Variants in SLC24A4 observed in about 807,000 individuals in gnomAD.
SLC24A4 encodes the protein solute carrier family 24 member 4.
A neutral mutation model predicts 79.0 loss-of-function variants in SLC24A4; 53 were observed. The ratio of observed to expected loss-of-function variants is 0.67; its 90% CI spans 0.54 to 0.84. SLC24A4 has a LOEUF of 0.84. SLC24A4 is among the 40% of genes least tolerant of loss of function. The pLI, the probability that SLC24A4 is intolerant of heterozygous loss-of-function variation, is 0.00. For synonymous variants in SLC24A4, 323 were observed against 323.8 expected (o/e 1.00, Z 0.03); for missense variants, 731 against 822.0 (o/e 0.89, Z 1.35).
chr14:92,340,763 T>C (rs1886096140), intron 2 of SLC24A4, among the ~76,000 whole-genome samples: 1 of 152,130 alleles, frequency 6.6e-6, no homozygotes, highest in African/African-American at 2.4e-5. Context: ...CCCCTAATTC[T>C]GCGCTCCCTC....
chr14:92,483,077 G>A (rs1256171117), intron 13 of SLC24A4, among the ~76,000 whole-genome samples: 1 of 152,132 alleles, frequency 6.6e-6, no homozygotes, highest in Non-Finnish European at 1.5e-5. Flanking sequence ...TGAGGGAAGG[G>A]GACCAACCTT....
chr14:92,432,572 G>C (rs923989466), intron 2 of SLC24A4, among the ~76,000 whole-genome samples: 1 of 152,176 alleles, frequency 6.6e-6, no homozygotes, highest in Non-Finnish European at 1.5e-5. Context: ...CCATCTCTGA[G>C]CTGACAAACC....
rs1192823019 is a variant in SLC24A4, at chr14:92,490,845, G to C, written c.1538-820G>C. ...CCACAAACGGGGTGCCGTAAACAAC[G>C]GAAGTGTATTGTCTTGTGGTTCCGG... On this transcript the variant is annotated intron_variant, in intron 14 of 16. Transcript: ENST00000532405. This position sits in a 1 kb window ranked among gnomAD's most constrained non-coding sequence, Gnocchi z 4.3. Among the ~76,000 whole-genome samples, 2 of 152,224 alleles carry C rather than the reference G, an allele frequency of 1.3e-5. No homozygotes were observed. Among genetic ancestry groups the C allele is most frequent in the African/African-American group, 2.4e-5 (1 of 41,458 alleles).
intron 12 of SLC24A4, among the ~76,000 whole-genome samples, chr14:92,461,403 G>A (rs926943596): frequency 2.6e-5 from 4 of 152,210 alleles, no homozygotes; most frequent in Admixed American, 1.3e-4. Flanking sequence ...TGTCACCGAC[G>A]AAGCAGCTTA....
At chr14:92,422,427 T>C (rs535365028) in intron 2 of SLC24A4, among the ~76,000 whole-genome samples, 1 of 152,350 alleles carries the variant, frequency 6.6e-6, no homozygotes, top group East Asian at 1.9e-4. Context: ...GACAGTCAAG[T>C]GCTGTTGAGA....
chr14:92,455,960 C>T (rs1893432673), intron 11 of SLC24A4, among the ~76,000 whole-genome samples: 1 of 152,174 alleles, frequency 6.6e-6, no homozygotes, highest in African/African-American at 2.4e-5. Context: ...CTCGGCCTCC[C>T]AAAGTGCTGG....
intron 2 of SLC24A4, among the ~76,000 whole-genome samples, chr14:92,343,373 A>G (rs1429110095): frequency 2.6e-5 from 4 of 152,182 alleles, no homozygotes; most frequent in Non-Finnish European, 5.9e-5. Flanking sequence ...CAAAGGAAGA[A>G]GCAGTTTGCA....
chr14:92,486,815 G>A, intron 14 of SLC24A4, 35 bp downstream of exon 14: 2 of 1,497,554 alleles, frequency 1.3e-6, no homozygotes, highest in South Asian at 2.3e-5. Context: ...TAGTCATGCA[G>A]TGCAGGCCAC....
chr14:92,440,286 G>A (rs746585209), intron 4 of SLC24A4, among the ~76,000 whole-genome samples: 2 of 152,178 alleles, frequency 1.3e-5, no homozygotes, highest in Non-Finnish European at 2.9e-5. Context: ...CCATGTGCTC[G>A]CCTCCATCCA....
chr14:92,338,788 C>G (rs1566695513), intron 2 of SLC24A4, among the ~76,000 whole-genome samples: 1 of 152,214 alleles, frequency 6.6e-6, no homozygotes, highest in Non-Finnish European at 1.5e-5. Context: ...GAAAGCCATC[C>G]TTGGGTTTAG....
chr14:92,492,371 T>C, intron 16 of SLC24A4, 131 bp downstream of exon 16: 1 of 783,260 alleles, frequency 1.3e-6, no homozygotes, highest in Non-Finnish European at 2.1e-6. Context: ...CAAGAAAATG[T>C]AGACGTTCAT....
intron 2 of SLC24A4, among the ~76,000 whole-genome samples, chr14:92,356,857 G>T (rs1887209950): frequency 6.6e-6 from 1 of 152,190 alleles, no homozygotes; most frequent in South Asian, 2.1e-4. Flanking sequence ...TGTCCCTGAG[G>T]ATCTAACACT....
chr14:92,367,935 T>C (rs1887945971), intron 2 of SLC24A4, among the ~76,000 whole-genome samples: 1 of 152,212 alleles, frequency 6.6e-6, no homozygotes, highest in African/African-American at 2.4e-5. Flanking sequence ...ACTTGGAGAA[T>C]TGTCAAAGCA....
In SLC24A4 at chr14:92,323,753, C is replaced by G; in HGVS notation, c.-78C>G. On this transcript the variant is annotated 5_prime_UTR_variant, in exon 1 of 17. Transcript: ENST00000532405. The surrounding 1 kb of genome is among the most constrained non-coding windows in gnomAD (Gnocchi z 4.9). ...CGCGCACCGCCTGCTCCAGCCCCAG[C>G]GCCGCTCGGCCACTGATTGCACTCT... 1 of 1,481,666 alleles carries G rather than the reference C, an allele frequency of 6.7e-7. No individual in the cohort carries two copies. Among genetic ancestry groups the G allele is most frequent in the Non-Finnish European group, 9.0e-7 (1 of 1,116,514 alleles). The allele number at this position is 1,481,666 out of a possible 1,614,324, so 91.8% of individuals were successfully genotyped here. A position where few individuals can be genotyped will look rare whatever the true frequency, so the allele number is the denominator to read the frequency against.
At chr14:92,407,388 C>T (rs1890447233) in intron 2 of SLC24A4, among the ~76,000 whole-genome samples, 2 of 152,298 alleles carry the variant, frequency 1.3e-5, no homozygotes, top group South Asian at 4.1e-4. Flanking sequence ...TACCCAATTC[C>T]AAACTTGCTT....
intron 2 of SLC24A4, among the ~76,000 whole-genome samples, chr14:92,400,555 C>T (rs1179149133): frequency 6.6e-6 from 1 of 152,048 alleles, no homozygotes; most frequent in Non-Finnish European, 1.5e-5. Flanking sequence ...GACACAGTCG[C>T]CTTCTTTGGG....
intron 12 of SLC24A4, among the ~76,000 whole-genome samples, chr14:92,480,588 C>T (rs548142951): frequency 5.9e-5 from 9 of 152,006 alleles, no homozygotes; most frequent in East Asian, 1.9e-4. Flanking sequence ...CCACCACGCC[C>T]GGCCTTTCCC....
chr14:92,491,146 G>T (rs1264960686), intron 14 of SLC24A4, among the ~76,000 whole-genome samples: 1 of 152,122 alleles, frequency 6.6e-6, no homozygotes, highest in Admixed American at 6.5e-5. Flanking sequence ...CAGGATCATC[G>T]AGTTGAAAAG....
chr14:92,342,813 G>A (rs1366623333), intron 2 of SLC24A4, among the ~76,000 whole-genome samples: 1 of 152,234 alleles, frequency 6.6e-6, no homozygotes, highest in Non-Finnish European at 1.5e-5. Context: ...GATAAAGGCT[G>A]CTCCTCCCAC....
Sources: gnomAD v4.1 joint callset for allele counts (sites outside exome capture counted in the v4.1 genomes callset) on GRCh38, gnomAD v4.1.1 for gene constraint, Gnocchi (gnomAD v3.1) non-coding constraint, MANE v1.5 for transcripts, NCBI Gene and HGNC (gene_info 2026-07-23, HGNC 2026-07-21) for gene names.